NBEA: variants seen among roughly 807,000 people sequenced by gnomAD.
NBEA encodes the protein neurobeachin, also known as lysosomal-trafficking regulator 2.
NBEA carries 44 observed loss-of-function variants against 343.4 expected under a neutral mutation model. The ratio of observed to expected loss-of-function variants is 0.13; its 90% CI spans 0.10 to 0.16. NBEA has a LOEUF of 0.16. Ranked by LOEUF, NBEA falls within the 10% of genes least tolerant of loss-of-function variation. The pLI is 1.00. For synonymous variants in NBEA, 1,175 were observed against 1,238.7 expected (o/e 0.95, Z 1.08); for missense variants, 2,555 against 3,631.3 (o/e 0.70, Z 7.62).
At chr13:35,108,031 A>T (rs1391582899) in intron 11 of NBEA, among the ~76,000 whole-genome samples, 1 of 152,128 alleles carries the variant, frequency 6.6e-6, no homozygotes, top group Admixed American at 6.6e-5. Context: ...GCTTAAGTCA[A>T]ATATATTGAG....
chr13:35,151,245 A>G (rs2068765860), intron 18 of NBEA, among the ~76,000 whole-genome samples: 1 of 151,882 alleles, frequency 6.6e-6, no homozygotes, highest in African/African-American at 2.4e-5. Context: ...ATAATAAACA[A>G]TAAATTTGAA....
chr13:34,949,467 C>T (rs1391907068), intron 1 of NBEA, among the ~76,000 whole-genome samples: 1 of 152,152 alleles, frequency 6.6e-6, no homozygotes. Flanking sequence ...CAATTCTAAG[C>T]TCCAGCAGTG....
At chr13:35,409,777 G>A (rs944409053) in intron 38 of NBEA, among the ~76,000 whole-genome samples, 3 of 152,018 alleles carry the variant, frequency 2.0e-5, no homozygotes, top group African/African-American at 7.2e-5. Flanking sequence ...AGGGGGAAGT[G>A]TAGAGAGGGC....
intron 38 of NBEA, among the ~76,000 whole-genome samples, chr13:35,404,271 A>G (rs2043148562): frequency 6.6e-6 from 1 of 152,102 alleles, no homozygotes; most frequent in African/African-American, 2.4e-5. Context: ...CCAAAGGACT[A>G]TAAATCATGT....
rs79061692 is a variant in NBEA, at chr13:35,536,646, T to TGATAGATA, written c.6586-13812_6586-13805dup. Reference sequence around the variant, plus strand: ...ACTGGCTTCGTAAAAAATAGATAGATGATAGATAGATAGATAGATAGATAG... The same window carrying TGATAGATA: ...ACTGGCTTCGTAAAAAATAGATAGATGATAGATAGATAGATAGATAGATAGATAGATAG... On this transcript the variant is annotated intron_variant, in intron 41 of 58. Transcript: ENST00000379939. Among the ~76,000 whole-genome samples, 963 of 99,380 alleles carry TGATAGATA rather than the reference T, an allele frequency of 9.7e-3. 11 individuals carry two copies. The highest frequency in any genetic ancestry group is 0.017 in the East Asian group (41 of 2,468). The allele number at this position is 99,380 out of a possible 152,430, so 65.2% of individuals were successfully genotyped here.
intron 17 of NBEA, among the ~76,000 whole-genome samples, chr13:35,133,529 A>G (rs142568006): frequency 2.1e-4 from 32 of 152,242 alleles, no homozygotes; most frequent in East Asian, 9.6e-4. Context: ...ACAGTGTTCA[A>G]TATAACATTG....
chr13:35,226,826 C>T (rs376764983), intron 33 of NBEA, among the ~76,000 whole-genome samples: 1 of 151,998 alleles, frequency 6.6e-6, no homozygotes, highest in East Asian at 1.9e-4. Flanking sequence ...GCTCTGAATT[C>T]CTGGGCTCAA....
chr13:35,005,884 T>C (rs2061301630), intron 1 of NBEA, among the ~76,000 whole-genome samples: 1 of 152,228 alleles, frequency 6.6e-6, no homozygotes, highest in Admixed American at 6.5e-5. Context: ...TTTGTGTTTA[T>C]GAATTACTTT....
chr13:35,115,239 G>A (rs1005797561), intron 13 of NBEA, among the ~76,000 whole-genome samples: 2 of 152,004 alleles, frequency 1.3e-5, no homozygotes, highest in African/African-American at 4.8e-5. Context: ...GCTTACTCAT[G>A]CATACATATA....
At chr13:35,415,919 G>A (rs914669238) in intron 38 of NBEA, among the ~76,000 whole-genome samples, 6 of 152,088 alleles carry the variant, frequency 3.9e-5, no homozygotes, top group African/African-American at 1.4e-4. Context: ...TTGAGCAGTG[G>A]TTTGTAGTTC....
intron 1 of NBEA, among the ~76,000 whole-genome samples, chr13:35,010,091 A>G (rs2061432873): frequency 6.6e-6 from 1 of 152,192 alleles, no homozygotes; most frequent in Admixed American, 6.5e-5. Context: ...GGAGATGACA[A>G]GAAGTAAGTT....
chr13:35,587,145 CA>C (rs940797718), intron 46 of NBEA, among the ~76,000 whole-genome samples: 32 of 151,616 alleles, frequency 2.1e-4, no homozygotes, highest in African/African-American at 7.3e-4. Context: ...CAGAAACAAA[CA>C]AAAAAATCAG....
At chr13:35,578,956 A>G (rs2080880348) in intron 45 of NBEA, among the ~76,000 whole-genome samples, 1 of 151,588 alleles carries the variant, frequency 6.6e-6, no homozygotes, top group South Asian at 2.1e-4. Context: ...ACAATTTTGT[A>G]CATGAAATGA....
intron 41 of NBEA, among the ~76,000 whole-genome samples, chr13:35,514,814 G>C (rs1358346403): frequency 6.6e-6 from 1 of 152,124 alleles, no homozygotes; most frequent in East Asian, 1.9e-4. Context: ...TTTTCCAGTA[G>C]GGTAAGAGGT....
At chr13:35,586,463 CA>C (rs1326849911) in intron 46 of NBEA, among the ~76,000 whole-genome samples, 1 of 152,046 alleles carries the variant, frequency 6.6e-6, no homozygotes, top group Non-Finnish European at 1.5e-5. Flanking sequence ...AAAACAAACC[CA>C]AATCTTACTT....
intron 30 of NBEA, among the ~76,000 whole-genome samples, chr13:35,191,607 A>G (rs186984002): frequency 2.0e-5 from 3 of 152,138 alleles, no homozygotes; most frequent in Admixed American, 2.0e-4. Context: ...TAAGATATTT[A>G]ATTAATTTTG....
Position 35,329,815 on chromosome 13 carries a change from T to A in NBEA, c.5904-19293T>A, listed in dbSNP as rs2038808403. ...GGTTAATTATATTATATGTAAATTGTGTCTTAAAAAAACTACAGTAGCATT... is the reference window on the plus strand; with the variant it reads ...GGTTAATTATATTATATGTAAATTGAGTCTTAAAAAAACTACAGTAGCATT... On this transcript the variant is annotated intron_variant, in intron 36 of 58. Transcript: ENST00000379939. Among the ~76,000 whole-genome samples, 3 of 4,276 alleles carry A rather than the reference T, an allele frequency of 7.0e-4. No individual in the cohort carries two copies. The South Asian group carries it at 0.054, about 76-fold the overall frequency. 2.8% of individuals were successfully genotyped at this position (4,276 alleles called of 152,430 possible).
At chr13:35,033,661 G>C (rs982027830) in intron 1 of NBEA, among the ~76,000 whole-genome samples, 1 of 151,618 alleles carries the variant, frequency 6.6e-6, no homozygotes, top group Non-Finnish European at 1.5e-5. Context: ...TCTATTTTGG[G>C]TGTCCTCTTC....
At chr13:35,287,058 A>G (rs576214287) in intron 34 of NBEA, among the ~76,000 whole-genome samples, 1 of 152,136 alleles carries the variant, frequency 6.6e-6, no homozygotes, top group South Asian at 2.1e-4. Context: ...AAAGCACTTA[A>G]TGGACGGTTT....
Sources: allele counts gnomAD v4.1 joint callset (sites outside exome capture counted in the v4.1 genomes callset), GRCh38; gene constraint gnomAD v4.1.1; transcripts MANE v1.5; gene names NCBI Gene and HGNC (gene_info 2026-07-23, HGNC 2026-07-21).